The following LRBA variants were observed in gnomAD, a reference collection of about 807,000 sequenced individuals.
LRBA encodes lipopolysaccharide-responsive and beige-like anchor protein.
In LRBA, 176 loss-of-function variants were observed where a neutral mutation model predicts 330.0. That is an observed-to-expected ratio of 0.53 (90% confidence interval 0.47 to 0.60). The LOEUF (loss-of-function observed/expected upper bound fraction) is 0.60, where lower values mean the gene tolerates loss of function less well. LRBA is among the 20% of genes least tolerant of loss of function. The pLI is 0.00. For synonymous variants in LRBA, 1,230 were observed against 1,193.0 expected (o/e 1.03, Z -0.64); for missense variants, 3,259 against 3,444.8 (o/e 0.95, Z 1.35).
At chr4:150,995,448 T>C (rs1742523369) in intron 2 of LRBA, among the ~76,000 whole-genome samples, 1 of 151,214 alleles carries the variant, frequency 6.6e-6, no homozygotes. Flanking sequence ...AATATAAAAA[T>C]GTTAATGTTT....
intron 35 of LRBA, among the ~76,000 whole-genome samples, chr4:150,759,939 A>C (rs1394914426): frequency 6.6e-6 from 1 of 152,182 alleles, no homozygotes; most frequent in Non-Finnish European, 1.5e-5. Flanking sequence ...TAAATGTAAC[A>C]ATAACATACA....
intron 40 of LRBA, among the ~76,000 whole-genome samples, chr4:150,561,630 T>C (rs957625758): frequency 9.9e-5 from 15 of 152,010 alleles, no homozygotes; most frequent in African/African-American, 3.1e-4. Flanking sequence ...CATCTAGAAG[T>C]TGGAAAAGGT....
At chr4:150,457,134 A>C (rs1195969941) in intron 44 of LRBA, among the ~76,000 whole-genome samples, 1 of 152,146 alleles carries the variant, frequency 6.6e-6, no homozygotes, top group Non-Finnish European at 1.5e-5. Context: ...CCACAATAAT[A>C]TGATTTTGTT....
intron 40 of LRBA, among the ~76,000 whole-genome samples, chr4:150,492,000 G>A (rs895188287): frequency 1.1e-4 from 16 of 151,918 alleles, no homozygotes; most frequent in Admixed American, 7.9e-4. Flanking sequence ...AATTACAAAT[G>A]AAACATTTGA....
At chr4:150,666,435 C>G (rs1396509459) in intron 37 of LRBA, among the ~76,000 whole-genome samples, 1 of 151,900 alleles carries the variant, frequency 6.6e-6, no homozygotes, top group Non-Finnish European at 1.5e-5. Context: ...TTGCTTGAAC[C>G]TGGGAGGTGG....
chr4:150,423,212 C>A (rs770285354), intron 46 of LRBA: 19 of 1,374,612 alleles, frequency 1.4e-5, no homozygotes, highest in Admixed American at 7.1e-5. Context: ...CTGGAGAAGT[C>A]GTTCACCCAA....
chr4:150,461,901 T>C (rs566074815), intron 44 of LRBA, among the ~76,000 whole-genome samples: 1 of 151,776 alleles, frequency 6.6e-6, no homozygotes, highest in Non-Finnish European at 1.5e-5. Context: ...AGAAAATCTG[T>C]TTTACACAAT....
chr4:150,521,145 TCTTATCAAA>T (rs2152167608), intron 40 of LRBA, among the ~76,000 whole-genome samples: 1 of 152,276 alleles, frequency 6.6e-6, no homozygotes, highest in Non-Finnish European at 1.5e-5. Flanking sequence ...TGTTTATCAA[TCTTATCAAA>T]CTTTTTAAAA....
At chr4:150,664,496 C>T (rs1297227647) in intron 37 of LRBA, among the ~76,000 whole-genome samples, 2 of 152,192 alleles carry the variant, frequency 1.3e-5, no homozygotes, top group Non-Finnish European at 2.9e-5. Flanking sequence ...CCTCTAATCA[C>T]ATGCAGTGTG....
At chr4:150,998,896 A>G (rs1743012239) in intron 2 of LRBA, among the ~76,000 whole-genome samples, 2 of 152,222 alleles carry the variant, frequency 1.3e-5, no homozygotes, top group African/African-American at 4.8e-5. Flanking sequence ...TATCTAAGGT[A>G]TTCCTAAGCA....
intron 9 of LRBA, among the ~76,000 whole-genome samples, chr4:150,912,121 T>G (rs1221874090): frequency 7.2e-5 from 11 of 152,194 alleles, no homozygotes; most frequent in Non-Finnish European, 1.3e-4. Context: ...TTTGCTGATG[T>G]TTAATTAAAA....
chr4:150,391,128 G>C (rs551929700), intron 47 of LRBA, among the ~76,000 whole-genome samples: 16 of 152,242 alleles, frequency 1.1e-4, no homozygotes, highest in African/African-American at 3.6e-4. Flanking sequence ...CTTTTAAAAA[G>C]CAACTGTGTG....
Position 150,843,806 on chromosome 4 carries a change from C to T in LRBA, c.4569+294G>A, listed in dbSNP as rs374087572. Among the ~76,000 whole-genome samples the T allele has an allele frequency of 3.9e-5, 6 of 152,114 alleles. 1 individual carries two copies. Among genetic ancestry groups the T allele is most frequent in the African/African-American group, 9.7e-5 (4 of 41,428 alleles). On this transcript the variant is annotated intron_variant, in intron 28 of 56. Transcript: ENST00000651943. ...CTATAAAATGGAAATTACAATAGTA[C>T]AGCTCAATAAGTTGTTGGACTTAAT...
intron 40 of LRBA, among the ~76,000 whole-genome samples, chr4:150,515,290 C>A (rs1762219461): frequency 6.6e-6 from 1 of 152,032 alleles, no homozygotes; most frequent in Non-Finnish European, 1.5e-5. Context: ...CTTATATCAA[C>A]AAATTAAAAG....
intron 16 of LRBA, among the ~76,000 whole-genome samples, chr4:150,893,531 G>T (rs560867247): frequency 6.6e-6 from 1 of 152,028 alleles, no homozygotes; most frequent in East Asian, 1.9e-4. Flanking sequence ...TGTATTTTTG[G>T]TAGAGACAAG....
intron 37 of LRBA, among the ~76,000 whole-genome samples, chr4:150,651,428 C>T (rs112604412): frequency 1.2e-4 from 18 of 152,178 alleles, no homozygotes; most frequent in East Asian, 3.9e-4. Flanking sequence ...ATAATGTTGA[C>T]GGATGAAAAT....
intron 46 of LRBA, chr4:150,423,601 G>T: frequency 3.0e-6 from 1 of 329,084 alleles, no homozygotes; most frequent in Non-Finnish European, 5.8e-6. Flanking sequence ...CAAAAGGAGA[G>T]ACCGAATGGT....
At chr4:150,302,358 G>A (rs1209818049) in intron 53 of LRBA, among the ~76,000 whole-genome samples, 1 of 151,918 alleles carries the variant, frequency 6.6e-6, no homozygotes, top group African/African-American at 2.4e-5. Context: ...TACTTTATTT[G>A]GTGACAGCTA....
intron 42 of LRBA, among the ~76,000 whole-genome samples, chr4:150,484,469 T>C (rs1757643627): frequency 6.6e-6 from 1 of 151,926 alleles, no homozygotes; most frequent in Non-Finnish European, 1.5e-5. Context: ...TCTTTATTTT[T>C]CTTTTAATAT....
Sources: gnomAD v4.1 joint callset for allele counts (sites outside exome capture counted in the v4.1 genomes callset) on GRCh38, gnomAD v4.1.1 for gene constraint, MANE v1.5 for transcripts, NCBI Gene and HGNC (gene_info 2026-07-23, HGNC 2026-07-21) for gene names.